GALNTL6: variants seen among roughly 807,000 people sequenced by gnomAD.
GALNTL6 encodes the protein polypeptide N-acetylgalactosaminyltransferase-like 6.
A neutral mutation model predicts 73.7 loss-of-function variants in GALNTL6; 46 were observed. That is an observed-to-expected ratio of 0.62 (90% CI 0.49 to 0.80). The LOEUF is 0.80. Ranked by LOEUF, GALNTL6 falls within the 30% of genes least tolerant of loss-of-function variation. The pLI, the probability that GALNTL6 is intolerant of heterozygous loss-of-function variation, is 0.00. For missense variants in GALNTL6, 604 were observed against 755.0 expected, an observed-to-expected ratio of 0.80 and a Z score of 2.34; for synonymous variants, 259 against 263.7, an observed-to-expected ratio of 0.98 and a Z score of 0.17.
chr4:172,936,331 T>C (rs1324882899), intron 9 of GALNTL6, among the ~76,000 whole-genome samples: 1 of 152,170 alleles, frequency 6.6e-6, no homozygotes, highest in East Asian at 1.9e-4. Flanking sequence ...TCATACTAAA[T>C]GGGCAAACGC....
chr4:172,212,804 A>T (rs1736369866), intron 2 of GALNTL6, among the ~76,000 whole-genome samples: 1 of 152,034 alleles, frequency 6.6e-6, no homozygotes, highest in African/African-American at 2.4e-5. Context: ...AGTAGCTGGG[A>T]TTATAGGCAT....
In GALNTL6 at chr4:171,864,556, C is replaced by G. The variant is rs554351569; in HGVS notation, c.138+49838C>G. Among the ~76,000 whole-genome samples the G allele has an allele frequency of 3.3e-5, 5 of 152,220 alleles. No individual in the cohort carries two copies. In the South Asian group the frequency reaches 1.0e-3, roughly 32 times the overall value. ...ACTGAATCTTTCCTGATAGTCATAC[C>G]ACACAGAACCCAAATTAAACCTAGT... On this transcript the variant is annotated intron_variant, in intron 2 of 12. Coordinates refer to ENST00000506823, the MANE Select transcript of GALNTL6 (RefSeq NM_001034845.3).
At chr4:172,347,716 C>A (rs1741798855) in intron 4 of GALNTL6, among the ~76,000 whole-genome samples, 1 of 151,934 alleles carries the variant, frequency 6.6e-6, no homozygotes, top group South Asian at 2.1e-4. Context: ...TTTTTGTGCC[C>A]ATATCATTAT....
At chr4:172,316,139 G>A (rs1300046703) in intron 4 of GALNTL6, among the ~76,000 whole-genome samples, 1 of 152,066 alleles carries the variant, frequency 6.6e-6, no homozygotes, top group Non-Finnish European at 1.5e-5. Context: ...TATAATTAGT[G>A]TAATTAATGT....
chr4:172,251,003 G>T (rs1737846234), intron 3 of GALNTL6, among the ~76,000 whole-genome samples: 1 of 152,022 alleles, frequency 6.6e-6, no homozygotes, highest in Non-Finnish European at 1.5e-5. Flanking sequence ...TTGGGCCCAG[G>T]ATGATGTGAC....
intron 2 of GALNTL6, among the ~76,000 whole-genome samples, chr4:171,871,891 A>G (rs1736146816): frequency 6.6e-6 from 1 of 152,250 alleles, no homozygotes; most frequent in African/African-American, 2.4e-5. Flanking sequence ...AGAGTAGTAG[A>G]GAGAAATAAA....
chr4:171,933,334 G>A (rs1257047773), intron 2 of GALNTL6, among the ~76,000 whole-genome samples: 3 of 152,096 alleles, frequency 2.0e-5, no homozygotes, highest in Non-Finnish European at 4.4e-5. Flanking sequence ...AGACCTGGGT[G>A]CTGTCAAAAA....
At chr4:172,164,316 G>A (rs1232489462) in intron 2 of GALNTL6, among the ~76,000 whole-genome samples, 2 of 151,784 alleles carry the variant, frequency 1.3e-5, no homozygotes, top group Non-Finnish European at 2.9e-5. Context: ...AAAATTATTT[G>A]CTTATACATT....
Position 172,311,680 on chromosome 4 carries a change from A to G in GALNTL6, c.314A>G (p.Glu105Gly). 1 of 1,611,548 alleles carries G rather than the reference A, an allele frequency of 6.2e-7. No homozygotes were observed. Among genetic ancestry groups the G allele is most frequent in the Non-Finnish European group, 8.5e-7 (1 of 1,178,282 alleles). The stretch of plus-strand genomic sequence containing the variant: ...GACCATGATGACTCAGCTTACAGGG[A>G]AAATGGTTTTAATATTTTCGTCAGC... ...EEDHDDSAYR[E>G]NGFNIFVSNN... The change falls in exon 4 of 13, where the codon GAA (glutamate) becomes GGA (glycine). Residue 105 changes from glutamate (E) to glycine (G), a missense_variant. Coordinates refer to ENST00000506823, the MANE Select transcript of GALNTL6 (RefSeq NM_001034845.3).
chr4:173,021,762 G>A (rs1753000294), intron 12 of GALNTL6, 137 bp downstream of exon 12: 1 of 829,302 alleles, frequency 1.2e-6, no homozygotes, highest in Admixed American at 2.4e-5. Flanking sequence ...GGGAGGTCGA[G>A]GTGGGCAGAT....
chr4:172,976,019 G>A (rs942654047), intron 10 of GALNTL6, among the ~76,000 whole-genome samples: 1 of 152,058 alleles, frequency 6.6e-6, no homozygotes, highest in Non-Finnish European at 1.5e-5. Flanking sequence ...GCTTAACTCG[G>A]AAGGGGGCGG....
chr4:172,835,357 G>A (rs1255991289), intron 7 of GALNTL6, among the ~76,000 whole-genome samples: 1 of 152,258 alleles, frequency 6.6e-6, no homozygotes, highest in Non-Finnish European at 1.5e-5. Flanking sequence ...GTTTTGGAAA[G>A]GTGGAGGAAG....
At chr4:172,624,083 T>A (rs567408552) in intron 5 of GALNTL6, among the ~76,000 whole-genome samples, 4 of 152,246 alleles carry the variant, frequency 2.6e-5, no homozygotes, top group African/African-American at 9.6e-5. Flanking sequence ...TAATTTAAAA[T>A]GTGATATCCA....
At chr4:172,179,886 A>G (rs1244039637) in intron 2 of GALNTL6, among the ~76,000 whole-genome samples, 1 of 152,156 alleles carries the variant, frequency 6.6e-6, no homozygotes, top group Non-Finnish European at 1.5e-5. Context: ...TGCTATTGTG[A>G]ACAGTGCTGC....
At position 171,906,194 on chromosome 4, in the gene GALNTL6, T is replaced by A. The variant is rs1018273797; in HGVS notation, c.138+91476T>A. Among the ~76,000 whole-genome samples, 3 of 149,554 alleles carry A rather than the reference T, an allele frequency of 2.0e-5. No individual in the cohort carries two copies. The East Asian group carries it at 5.9e-4, about 29-fold the overall frequency. On this transcript the variant is annotated intron_variant, in intron 2 of 12. Transcript: ENST00000506823. Reference sequence around the variant, plus strand: ...CACAAAAAACCCTTCAAAAAATTAATGAATCCAGGAGCTGGTTTTTTGAAA... The same window carrying A: ...CACAAAAAACCCTTCAAAAAATTAAAGAATCCAGGAGCTGGTTTTTTGAAA...
chr4:172,458,754 G>C (rs1195635173), intron 5 of GALNTL6, among the ~76,000 whole-genome samples: 2 of 152,164 alleles, frequency 1.3e-5, no homozygotes, highest in Non-Finnish European at 2.9e-5. Context: ...CCCAGGACCA[G>C]ACAGATTCAC....
At chr4:171,987,394 T>G (rs1035096468) in intron 2 of GALNTL6, among the ~76,000 whole-genome samples, 1 of 152,144 alleles carries the variant, frequency 6.6e-6, no homozygotes, top group Non-Finnish European at 1.5e-5. Flanking sequence ...AAGGCTAAAC[T>G]GAGGAATTAT....
At chr4:172,110,340 G>A (rs752524566) in intron 2 of GALNTL6, among the ~76,000 whole-genome samples, 8 of 152,046 alleles carry the variant, frequency 5.3e-5, no homozygotes, top group Non-Finnish European at 1.0e-4. Flanking sequence ...AAAAATTATC[G>A]GAGGCCATCA....
intron 4 of GALNTL6, among the ~76,000 whole-genome samples, chr4:172,335,105 G>A (rs922852172): frequency 6.6e-6 from 1 of 151,368 alleles, no homozygotes; most frequent in Non-Finnish European, 1.5e-5. Flanking sequence ...CCGCCACCAC[G>A]CCCAGCTAAT....
Sources: allele counts gnomAD v4.1 joint callset (sites outside exome capture counted in the v4.1 genomes callset), GRCh38; gene constraint gnomAD v4.1.1; transcripts MANE v1.5; gene names NCBI Gene and HGNC (gene_info 2026-07-23, HGNC 2026-07-21).